Variants in TBC1D4 observed in about 807,000 individuals in gnomAD.
TBC1D4 encodes the protein TBC (Tre-2, BUB2, CDC16) domain-containing protein.
TBC1D4 carries 121 observed loss-of-function variants against 142.5 expected under a neutral mutation model. The ratio of observed to expected loss-of-function variants is 0.85; its 90% CI spans 0.73 to 0.99. TBC1D4 has a LOEUF of 0.99. Ranked by LOEUF, TBC1D4 falls within the 50% of genes least tolerant of loss-of-function variation. The probability of loss-of-function intolerance (pLI) is 0.00; values close to 1 mark genes in which losing one functional copy is unlikely to be tolerated. For missense variants in TBC1D4, 1,475 were observed against 1,606.6 expected (o/e 0.92, Z 1.40); for synonymous variants, 630 against 628.2 (o/e 1.00, Z -0.04).
At chr13:75,397,335 T>A (rs372338013) in intron 1 of TBC1D4, among the ~76,000 whole-genome samples, 2 of 152,128 alleles carry the variant, frequency 1.3e-5, no homozygotes, top group African/African-American at 4.8e-5. Context: ...CACATCACGA[T>A]GTGATGATAT....
At chr13:75,463,665 T>C (rs1365150281) in intron 1 of TBC1D4, among the ~76,000 whole-genome samples, 2 of 152,326 alleles carry the variant, frequency 1.3e-5, no homozygotes, top group East Asian at 3.9e-4. Flanking sequence ...TCTTTAGAAA[T>C]CACAATTACT....
At chr13:75,447,794 C>T (rs35910035) in intron 1 of TBC1D4, among the ~76,000 whole-genome samples, 31,343 of 151,740 alleles carry the variant, frequency 0.21, 3,721 homozygotes, top group Non-Finnish European at 0.27. Context: ...AGCAAGAACC[C>T]TATTGGGAAC....
chr13:75,442,542 A>G lies in TBC1D4; in HGVS notation c.498+38728T>C, dbSNP rs548966285. ...GTAGGGGAAAAAAAAACATTCTGGG[A>G]GGCCGAGGCAGGCAGATCACAAGGT... On this transcript the variant is annotated intron_variant, in intron 1 of 20. Transcript: ENST00000377636. Among the ~76,000 whole-genome samples, 457 of 152,226 alleles carry G rather than the reference A, an allele frequency of 3.0e-3. 8 individuals are homozygous for G. The highest frequency in any genetic ancestry group is 0.011 in the African/African-American group (438 of 41,542).
chr13:75,477,289 CA>C (rs1038443459), intron 1 of TBC1D4, among the ~76,000 whole-genome samples: 1 of 151,994 alleles, frequency 6.6e-6, no homozygotes, highest in African/African-American at 2.4e-5. Flanking sequence ...AATATATTGA[CA>C]AAAAAACTGG....
At chr13:75,312,416 G>GAA (rs762306467) in intron 13 of TBC1D4, among the ~76,000 whole-genome samples, 69 of 125,754 alleles carry the variant, frequency 5.5e-4, no homozygotes, top group East Asian at 3.2e-3. Context: ...CAATCTCTGG[G>GAA]AAAAAAAAAA....
chr13:75,306,592 C>G (rs1442763469), intron 14 of TBC1D4, 121 bp from the exon 15 acceptor site: 4 of 1,192,622 alleles, frequency 3.4e-6, no homozygotes, highest in Non-Finnish European at 4.7e-6. Context: ...TAGTGTATCT[C>G]AAAAAGAAAA....
In TBC1D4 at chr13:75,329,757, T is replaced by C. The variant is rs1037941595; in HGVS notation, c.1732-1931A>G. Among the ~76,000 whole-genome samples, 3 of 152,242 alleles carry C rather than the reference T, an allele frequency of 2.0e-5. No homozygotes were observed. In the South Asian group the frequency reaches 6.2e-4, roughly 32 times the overall value. On this transcript the variant is annotated intron_variant, in intron 8 of 20. Coordinates refer to ENST00000377636, the MANE Select transcript of TBC1D4 (RefSeq NM_014832.5). ...CATAAATGTCATTATTCTATGCTTG[T>C]ATTTCACTAATAGTTCGGCTGGATA...
chr13:75,416,225 T>C (rs1242362567), intron 1 of TBC1D4, among the ~76,000 whole-genome samples: 2 of 152,202 alleles, frequency 1.3e-5, no homozygotes, highest in African/African-American at 2.4e-5. Flanking sequence ...ACTCAAGTCA[T>C]GTCAACAAGA....
intron 1 of TBC1D4, among the ~76,000 whole-genome samples, chr13:75,463,417 G>A (rs1888050249): frequency 1.3e-5 from 2 of 152,112 alleles, no homozygotes; most frequent in Non-Finnish European, 2.9e-5. Flanking sequence ...GTGCTAAGCT[G>A]ACTCCATCCC....
intron 15 of TBC1D4, among the ~76,000 whole-genome samples, chr13:75,303,255 T>A (rs1876774389): frequency 6.6e-6 from 1 of 151,950 alleles, no homozygotes; most frequent in South Asian, 2.1e-4. Context: ...GGACACAGGT[T>A]GCAGTGAGCT....
At chr13:75,456,076 C>G (rs1005557010) in intron 1 of TBC1D4, among the ~76,000 whole-genome samples, 3 of 152,036 alleles carry the variant, frequency 2.0e-5, no homozygotes, top group Non-Finnish European at 4.4e-5. Flanking sequence ...AACCATCCTC[C>G]TACCTCAGCC....
intron 1 of TBC1D4, among the ~76,000 whole-genome samples, chr13:75,448,999 T>C (rs1441620955): frequency 6.6e-6 from 1 of 151,870 alleles, no homozygotes; most frequent in East Asian, 1.9e-4. Context: ...GAAATTCACA[T>C]ACACAAAGGG....
At chr13:75,346,777 T>C (rs1349822287) in intron 5 of TBC1D4, among the ~76,000 whole-genome samples, 1 of 139,556 alleles carries the variant, frequency 7.2e-6, no homozygotes, top group African/African-American at 2.7e-5. Flanking sequence ...AAAAAAAATT[T>C]ATGGCATTAT....
intron 13 of TBC1D4, among the ~76,000 whole-genome samples, chr13:75,311,309 C>T (rs897198855): frequency 2.6e-5 from 4 of 152,188 alleles, no homozygotes; most frequent in Non-Finnish European, 4.4e-5. Context: ...AAGCATGGTT[C>T]TTCCAGCAAC....
intron 1 of TBC1D4, among the ~76,000 whole-genome samples, chr13:75,426,163 T>C (rs975700244): frequency 2.0e-5 from 3 of 152,088 alleles, no homozygotes; most frequent in Non-Finnish European, 2.9e-5. Context: ...GACATAAAAA[T>C]GGCCGACAGG....
rs1398183198 is a variant in TBC1D4 at position 75,294,860 on chromosome 13, C to G, written c.3310G>C (p.Val1104Leu). Reference sequence around the variant, plus strand: ...AATTACAGGTATCTCTTACCAAAAACTCTGGCTACAAATCCTAATGAAAAC... The same window carrying G: ...AATTACAGGTATCTCTTACCAAAAAGTCTGGCTACAAATCCTAATGAAAAC... ...SQFSLGFVAR[V>L]FDIIFLQGTE... The change falls in exon 18 of 21, where the codon GTT (valine) becomes CTT (leucine). Residue 1104 changes from valine (V) to leucine (L), a missense_variant. Transcript: ENST00000377636. The G allele has an allele frequency of 6.2e-7, 1 of 1,613,756 alleles. No homozygotes were observed. Among genetic ancestry groups the G allele is most frequent in the Non-Finnish European group, 8.5e-7 (1 of 1,179,766 alleles).
At chr13:75,458,693 A>G (rs2138271602) in intron 1 of TBC1D4, among the ~76,000 whole-genome samples, 1 of 152,306 alleles carries the variant, frequency 6.6e-6, no homozygotes, top group East Asian at 1.9e-4. Flanking sequence ...GCATGACAAA[A>G]ATCCTAAACA....
At chr13:75,404,081 C>A (rs1309124552) in intron 1 of TBC1D4, among the ~76,000 whole-genome samples, 4 of 152,024 alleles carry the variant, frequency 2.6e-5, no homozygotes, top group Admixed American at 6.6e-5. Context: ...CACACACACA[C>A]ACACACATCT....
intron 1 of TBC1D4, among the ~76,000 whole-genome samples, chr13:75,425,563 A>G (rs1886342897): frequency 6.6e-6 from 1 of 152,238 alleles, no homozygotes; most frequent in Non-Finnish European, 1.5e-5. Flanking sequence ...TATGAAATCA[A>G]TGTAAGTGTC....
Sources: gnomAD v4.1 joint callset for allele counts (sites outside exome capture counted in the v4.1 genomes callset) on GRCh38, gnomAD v4.1.1 for gene constraint, MANE v1.5 for transcripts, NCBI Gene and HGNC (gene_info 2026-07-23, HGNC 2026-07-21) for gene names.